Variants in TDO2 observed in about 807,000 individuals in gnomAD.
The protein encoded by TDO2 is tryptophan 2,3-dioxygenase, also known as tryptamin 2,3-dioxygenase.
A neutral mutation model predicts 61.2 loss-of-function variants in TDO2; 63 were observed. The ratio of observed to expected loss-of-function variants is 1.03; its 90% CI spans 0.84 to 1.27. The LOEUF (loss-of-function observed/expected upper bound fraction) is 1.27. TDO2 is among the 50% of genes most tolerant of loss of function. The pLI is 0.00. For synonymous variants in TDO2, 183 were observed against 164.0 expected (o/e 1.12, Z -0.89); for missense variants, 494 against 469.5 (o/e 1.05, Z -0.48).
At position 155,919,909 on chromosome 4, in the gene TDO2, G is replaced by A. The variant is rs1743012938; in HGVS notation, c.1140G>A (p.Lys380=). 6.2e-7 allele frequency: 1 copy of A among 1,613,548 alleles called. No individual in the cohort carries two copies. Among genetic ancestry groups the A allele is most frequent in the Admixed American group, 1.7e-5 (1 of 59,990 alleles). ...TYLIPRHWIP[K]MNPTIHKFLY... is the part of the protein sequence containing the mutation. Reference sequence around the variant, plus strand: ...TGATTCCCCGACACTGGATACCGAAGATGAACCCAACCATTCACAAATTTC... The same window carrying A: ...TGATTCCCCGACACTGGATACCGAAAATGAACCCAACCATTCACAAATTTC... The change falls in exon 12 of 12, where the codon AAG becomes AAA. Residue 380 remains lysine (K), a synonymous_variant. Transcript: ENST00000536354.
chr4:155,904,067 C>A lies in TDO2; in HGVS notation c.85C>A (p.Gln29Lys). Residue 29 changes from glutamine to lysine, a missense_variant, in exon 2 of 12, where the codon CAA becomes AAA. Gln to Lys is a moderately conservative substitution (Grantham distance 53). Transcript: ENST00000536354. ...PVEGSEEDKSQTGVNRASKGG... is the reference protein window; with the variant it reads ...PVEGSEEDKSKTGVNRASKGG... The stretch of plus-strand genomic sequence containing the variant: ...AGAAGGCAGCGAAGAAGACAAATCA[C>A]AAACTGGTGTGAATAGAGCCAGCAA... The A allele has an allele frequency of 6.2e-7, 1 of 1,614,062 alleles. No individual in the cohort carries two copies. The highest frequency in any genetic ancestry group is 8.5e-7 in the Non-Finnish European group (1 of 1,180,004).
In TDO2 at chr4:155,906,149, G is replaced by A. The variant is rs377025825; in HGVS notation, c.232+992G>A. 2.0e-5 allele frequency: 3 copies of A among 152,272 alleles called. No individual in the cohort carries two copies. The South Asian group carries it at 6.2e-4, about 32-fold the overall frequency. The allele number at this position is 152,272 out of a possible 1,614,324, so 9.4% of individuals were successfully genotyped here. On this transcript the variant is annotated intron_variant, in intron 3 of 11. Transcript: ENST00000536354. ...TCCATTTCCCCATACGTAAAATGGA[G>A]AGAATTACTGATGCTCTCACTTACA... is the stretch of plus-strand genomic sequence containing the variant.
At chr4:155,904,160 TGTTAGGCACTCAATTCTGCCA>T (rs776424841) in intron 2 of TDO2, 37 bp downstream of exon 2, 1 of 1,436,816 alleles carries the variant, frequency 7.0e-7, no homozygotes, top group Non-Finnish European at 9.7e-7. Flanking sequence ...TGGTGTCCAT[TGTTAGGCACTCAATTCTGCCA>T]AGTGACTTTT....
chr4:155,914,689 C>A (rs1742900090), intron 8 of TDO2, among the ~76,000 whole-genome samples: 1 of 151,912 alleles, frequency 6.6e-6, no homozygotes, highest in African/African-American at 2.4e-5. Flanking sequence ...AGATGAATTG[C>A]ATATAGTTTC....
intron 6 of TDO2, among the ~76,000 whole-genome samples, chr4:155,910,638 G>T (rs1426829475): frequency 2.0e-5 from 3 of 152,028 alleles, no homozygotes; most frequent in Non-Finnish European, 2.9e-5. Flanking sequence ...ATACACCTCA[G>T]AAAATGTTCC....
At chr4:155,914,789 A>C (rs1325953449) in intron 8 of TDO2, among the ~76,000 whole-genome samples, 1 of 152,182 alleles carries the variant, frequency 6.6e-6, no homozygotes, top group African/African-American at 2.4e-5. Context: ...AGGAAGGAAT[A>C]GCTACCGTGA....
At position 155,904,035 on chromosome 4, in the gene TDO2, T is replaced by A; in HGVS notation, c.53T>A (p.Leu18His). Residue 18 changes from leucine to histidine, a missense_variant, in exon 2 of 12, where the codon CTC becomes CAC. Transcript: ENST00000536354. ...ATTTGCAGATATACTTTTAAAAAACTCCCCGTAGAAGGCAGCGAAGAAGAC... is the reference window on the plus strand; with the variant it reads ...ATTTGCAGATATACTTTTAAAAAACACCCCGTAGAAGGCAGCGAAGAAGAC... ...GNNFGYTFKK[L>H]PVEGSEEDKS... 2 of 1,613,768 alleles carry A rather than the reference T, an allele frequency of 1.2e-6. No homozygotes were observed. The highest frequency in any genetic ancestry group is 1.7e-6 in the Non-Finnish European group (2 of 1,179,950).
chr4:155,905,712 A>C (rs1055240340), intron 3 of TDO2: 3 of 152,344 alleles, frequency 2.0e-5, no homozygotes, highest in African/African-American at 7.2e-5. Flanking sequence ...TATCTTAAAG[A>C]GGTCTGTGAC....
chr4:155,906,562 T>C (rs1223134866), intron 3 of TDO2: 1 of 152,190 alleles, frequency 6.6e-6, no homozygotes, highest in African/African-American at 2.4e-5. Context: ...GTCTATTTAA[T>C]TTATTCATAA....
rs181269424 is a variant in TDO2 at position 155,907,906 on chromosome 4, G to A, written c.303+114G>A. On this transcript the variant is annotated intron_variant, in intron 4 of 11. Transcript: ENST00000536354. ...ATGGTGGTCTTAACTTTTAATGATA[G>A]AACAAACAGACATTTTATGAATGAA... The A allele has an allele frequency of 1.9e-3, 1,323 of 709,036 alleles. 5 individuals are homozygous for A. Among genetic ancestry groups the A allele is most frequent in the Non-Finnish European group, 1.8e-3 (780 of 424,046 alleles). 43.9% of individuals were successfully genotyped at this position (709,036 alleles called of 1,614,324 possible). A position where few individuals can be genotyped will look rare whatever the true frequency, so the allele number is the denominator to read the frequency against.
chr4:155,916,093 T>C (rs1432722106), intron 9 of TDO2, among the ~76,000 whole-genome samples, 181 bp downstream of exon 9: 5 of 151,200 alleles, frequency 3.3e-5, no homozygotes, highest in Admixed American at 3.3e-4. Context: ...TTCTTTTAAA[T>C]AGTAAAGGCA....
At position 155,914,238 on chromosome 4, in the gene TDO2, A is replaced by G. The variant is rs954839935; in HGVS notation, c.727-85A>G. 3.4e-6 allele frequency: 3 copies of G among 882,180 alleles called. No individual in the cohort carries two copies. In the African/African-American group the frequency reaches 5.3e-5, roughly 16 times the overall value. The allele number at this position is 882,180 out of a possible 1,614,324, so 54.6% of individuals were successfully genotyped here. A position where few individuals can be genotyped will look rare whatever the true frequency, so the allele number is the denominator to read the frequency against. On this transcript the variant is annotated intron_variant, in intron 7 of 11. Coordinates refer to ENST00000536354, the MANE Select transcript of TDO2 (RefSeq NM_005651.4). ...AAAGTACATCATTTCTGCAACCATA[A>G]GTCTTTTCCTCATAAGCAAAGTTTT...
chr4:155,904,510 G>A (rs1024605500), intron 2 of TDO2, among the ~76,000 whole-genome samples: 1 of 152,074 alleles, frequency 6.6e-6, no homozygotes, highest in African/African-American at 2.4e-5. Flanking sequence ...TCATGAAGTC[G>A]AAATGTAAAA....
chr4:155,914,627 T>A (rs1259592154), intron 8 of TDO2, among the ~76,000 whole-genome samples, 193 bp downstream of exon 8: 1 of 152,108 alleles, frequency 6.6e-6, no homozygotes, highest in African/African-American at 2.4e-5. Context: ...CCAGATTATT[T>A]GAAAAACATT....
intron 3 of TDO2, 143 bp from the exon 4 acceptor site, chr4:155,907,579 C>G: frequency 1.7e-6 from 1 of 573,618 alleles, no homozygotes. Context: ...TTATTTCTGG[C>G]ACACAATGGG....
Position 155,913,141 on chromosome 4 carries a change from T to C in TDO2, c.727-1182T>C, listed in dbSNP as rs565655464. Among the ~76,000 whole-genome samples the C allele has an allele frequency of 2.6e-5, 4 of 152,310 alleles. No homozygotes were observed. The South Asian group carries it at 8.3e-4, about 32-fold the overall frequency. On this transcript the variant is annotated intron_variant, in intron 7 of 11. Coordinates refer to ENST00000536354, the MANE Select transcript of TDO2 (RefSeq NM_005651.4). Reference sequence around the variant, plus strand: ...ACTGTGCTCCCCCACCTTCCCAGTATGCCTCTATTCCAATTTAGTCTCCAC... The same window carrying C: ...ACTGTGCTCCCCCACCTTCCCAGTACGCCTCTATTCCAATTTAGTCTCCAC...
intron 8 of TDO2, among the ~76,000 whole-genome samples, chr4:155,915,341 A>C (rs1037248719): frequency 6.6e-6 from 1 of 152,222 alleles, no homozygotes; most frequent in African/African-American, 2.4e-5. Flanking sequence ...TCTAAAAAAA[A>C]CAAATCTCAG....
intron 3 of TDO2, chr4:155,905,455 G>A (rs547134378): frequency 4.6e-5 from 13 of 281,086 alleles, no homozygotes; most frequent in South Asian, 7.3e-5. Context: ...AAGATGTTAC[G>A]TTTCTCACTT....
intron 8 of TDO2, 38 bp from the exon 9 acceptor site, chr4:155,915,817 A>G (rs368257197): frequency 5.5e-5 from 87 of 1,575,512 alleles, no homozygotes; most frequent in Non-Finnish European, 6.9e-5. Context: ...ATTACCTTAA[A>G]TGACCTAAAA....
Sources: gnomAD v4.1 joint callset for allele counts (sites outside exome capture counted in the v4.1 genomes callset) on GRCh38, gnomAD v4.1.1 for gene constraint, MANE v1.5 for transcripts, NCBI Gene and HGNC (gene_info 2026-07-23, HGNC 2026-07-21) for gene names.